MYO1E: variants seen among roughly 807,000 people sequenced by gnomAD.
MYO1E encodes the protein myosin IE.
Under a neutral mutation model 151.1 loss-of-function variants are expected in MYO1E, and 68 were observed. The ratio of observed to expected loss-of-function variants is 0.45; its 90% CI spans 0.37 to 0.55. The LOEUF is 0.55. Ranked by LOEUF, MYO1E falls within the 20% of genes least tolerant of loss-of-function variation. The pLI is 0.00. For synonymous variants in MYO1E, 601 were observed against 501.7 expected (o/e 1.20, Z -2.64); for missense variants, 1,363 against 1,389.3 (o/e 0.98, Z 0.30).
At position 59,265,906 on chromosome 15, in the gene MYO1E, G is replaced by A. The variant is rs2080250781; in HGVS notation, c.148-4397C>T. ...CACTTAGGCCTGGGAAGGCAAGGCT[G>A]CAGCGAACTGTGATCACACCATTGC... On this transcript the variant is annotated intron_variant, in intron 2 of 27. Coordinates refer to ENST00000288235, the MANE Select transcript of MYO1E (RefSeq NM_004998.4). Among the ~76,000 whole-genome samples the A allele has an allele frequency of 2.6e-5, 4 of 151,670 alleles. No homozygotes were observed. In the South Asian group the frequency reaches 8.4e-4, roughly 32 times the overall value.
rs181721745 is a variant in MYO1E, at chr15:59,197,220, T to C, written c.1699-1653A>G. On this transcript the variant is annotated intron_variant, in intron 16 of 27. Transcript: ENST00000288235. Reference sequence around the variant, plus strand: ...GTTGGTCAGGCTGGTCTCGAGCTCCTGACCTCAGGTGATCCACCCGCCTCA... The same window carrying C: ...GTTGGTCAGGCTGGTCTCGAGCTCCCGACCTCAGGTGATCCACCCGCCTCA... 1.3e-3 allele frequency among the ~76,000 whole-genome samples: 201 copies of C among 152,278 alleles called. 4 individuals carry two copies. The highest frequency in any genetic ancestry group is 4.4e-3 in the African/African-American group (182 of 41,556).
At chr15:59,245,363 A>T (rs2080123431) in intron 4 of MYO1E, among the ~76,000 whole-genome samples, 1 of 152,196 alleles carries the variant, frequency 6.6e-6, no homozygotes, top group Non-Finnish European at 1.5e-5. Context: ...ATATATGTTG[A>T]AGCACACGGG....
At chr15:59,371,819 G>A (rs2080946748) in intron 1 of MYO1E, among the ~76,000 whole-genome samples, 1 of 151,602 alleles carries the variant, frequency 6.6e-6, no homozygotes, top group Non-Finnish European at 1.5e-5. Context: ...CCCGGCACAG[G>A]TCCGGGGCGG....
At chr15:59,167,596 AT>A (rs1470184643) in intron 22 of MYO1E, among the ~76,000 whole-genome samples, 1 of 152,200 alleles carries the variant, frequency 6.6e-6, no homozygotes, top group Non-Finnish European at 1.5e-5. Flanking sequence ...TCAACTCTGT[AT>A]TGGTGTGTCA....
chr15:59,296,701 A>G (rs1264679348), intron 1 of MYO1E, among the ~76,000 whole-genome samples: 1 of 152,176 alleles, frequency 6.6e-6, no homozygotes, highest in Non-Finnish European at 1.5e-5. Context: ...GATCCATCCC[A>G]GAGTAAAGCA....
At chr15:59,222,737 C>G (rs1277557429) in intron 9 of MYO1E, among the ~76,000 whole-genome samples, 1 of 152,204 alleles carries the variant, frequency 6.6e-6, no homozygotes, top group Non-Finnish European at 1.5e-5. Context: ...AGCCATTACT[C>G]TAATCCCCAT....
At chr15:59,294,642 C>T (rs1208333430) in intron 1 of MYO1E, among the ~76,000 whole-genome samples, 18 of 152,184 alleles carry the variant, frequency 1.2e-4, no homozygotes, top group African/African-American at 3.9e-4. Context: ...TTGCCCCTGT[C>T]GTTTCAGCCC....
At chr15:59,257,423 G>A (rs1287603042) in intron 3 of MYO1E, among the ~76,000 whole-genome samples, 3 of 152,150 alleles carry the variant, frequency 2.0e-5, no homozygotes, top group African/African-American at 7.2e-5. Context: ...AGCTACAATT[G>A]TGGGAATAAT....
At chr15:59,182,679 G>C (rs1463471985) in intron 18 of MYO1E, among the ~76,000 whole-genome samples, 1 of 152,288 alleles carries the variant, frequency 6.6e-6, no homozygotes, top group South Asian at 2.1e-4. Context: ...CAACATAAAA[G>C]GAATAACAAA....
chr15:59,250,572 G>A (rs573838111), intron 4 of MYO1E, among the ~76,000 whole-genome samples: 12 of 152,060 alleles, frequency 7.9e-5, no homozygotes, highest in South Asian at 2.1e-4. Context: ...GTAATCCTAA[G>A]TGTAGGGCTT....
chr15:59,165,538 C>A (rs1453046852), intron 22 of MYO1E, among the ~76,000 whole-genome samples: 5 of 152,208 alleles, frequency 3.3e-5, no homozygotes, highest in Non-Finnish European at 7.3e-5. Context: ...TAAACCCTGA[C>A]AAGCAGTGGT....
chr15:59,262,413 T>C (rs1263026270), intron 2 of MYO1E, among the ~76,000 whole-genome samples: 1 of 151,970 alleles, frequency 6.6e-6, no homozygotes, highest in Non-Finnish European at 1.5e-5. Context: ...GGCCAGGAGT[T>C]TGAGGCCGGC....
chr15:59,143,318 T>C (rs1305595301), intron 26 of MYO1E, among the ~76,000 whole-genome samples: 1 of 151,936 alleles, frequency 6.6e-6, no homozygotes, highest in Non-Finnish European at 1.5e-5. Context: ...GTGTGGATAG[T>C]GGGGACTGTC....
At chr15:59,207,965 G>A (rs755931407) in intron 14 of MYO1E, 6 of 1,613,952 alleles carry the variant, frequency 3.7e-6, no homozygotes, top group Non-Finnish European at 5.1e-6. Flanking sequence ...AGTATTCCTT[G>A]TATCCTGGGA....
chr15:59,324,666 C>CCCA (rs1267537987), intron 1 of MYO1E, among the ~76,000 whole-genome samples: 1 of 149,802 alleles, frequency 6.7e-6, no homozygotes, highest in African/African-American at 2.5e-5. Context: ...ATCCCAAGCC[C>CCCA]CCCCCCCACA....
intron 18 of MYO1E, 89 bp downstream of exon 18, chr15:59,188,029 T>G: frequency 4.1e-6 from 4 of 971,500 alleles, no homozygotes; most frequent in South Asian, 1.3e-5. Flanking sequence ...AGCCATTGAC[T>G]CGTACGCTTG....
chr15:59,292,808 T>C (rs1335090610), intron 1 of MYO1E, among the ~76,000 whole-genome samples: 4 of 152,250 alleles, frequency 2.6e-5, no homozygotes, highest in African/African-American at 7.2e-5. Flanking sequence ...CATAGCCCAC[T>C]ATCTACTACT....
intron 1 of MYO1E, among the ~76,000 whole-genome samples, chr15:59,293,751 C>T (rs998289627): frequency 3.9e-5 from 6 of 152,028 alleles, no homozygotes; most frequent in Non-Finnish European, 7.4e-5. Flanking sequence ...ACAAAAAACC[C>T]TGATATATGG....
chr15:59,172,041 C>A lies in MYO1E; in HGVS notation c.2336G>T (p.Gly779Val). The A allele has an allele frequency of 6.2e-7, 1 of 1,613,918 alleles. No individual in the cohort carries two copies. The highest frequency in any genetic ancestry group is 1.1e-5 in the South Asian group (1 of 91,082). Residue 779 changes from glycine (G) to valine (V), a missense_variant and splice_region_variant, in exon 22 of 28, where the codon GGT becomes GTT. By Grantham distance (109) the Gly-to-Val change is moderately radical (BLOSUM62 -3). Transcript: ENST00000288235. ...GGTAAGGAGCAGGTCTCGCTTTACA[C>A]CCTGTAAGGAGAGGAGCTTTAAGAA... is the stretch of plus-strand genomic sequence containing the variant. ...TVTKYDRRFKGVKRDLLLTPK... is the reference protein window; with the variant it reads ...TVTKYDRRFKVVKRDLLLTPK...
Sources: allele counts gnomAD v4.1 joint callset (sites outside exome capture counted in the v4.1 genomes callset), GRCh38; gene constraint gnomAD v4.1.1; transcripts MANE v1.5; gene names NCBI Gene and HGNC (gene_info 2026-07-23, HGNC 2026-07-21).